The following GULP1 variants were observed in gnomAD, a reference collection of about 807,000 sequenced individuals.
GULP1 encodes the protein PTB domain-containing engulfment adapter protein 1.
In GULP1, 19 loss-of-function variants were observed where a neutral mutation model predicts 40.9. That is an observed-to-expected ratio of 0.46 (90% CI 0.32 to 0.68). GULP1 has a LOEUF of 0.68. Ranked by LOEUF, GULP1 falls within the 30% of genes least tolerant of loss-of-function variation. The probability of loss-of-function intolerance (pLI) is 0.03; values close to 1 mark genes in which losing one functional copy is unlikely to be tolerated. For missense variants in GULP1, 312 were observed against 362.2 expected (o/e 0.86, Z 1.12); for synonymous variants, 119 against 117.6 (o/e 1.01, Z -0.08).
In GULP1 at chr2:188,547,726, C is replaced by T. The variant is rs186966147; in HGVS notation, c.399+6408C>T. ...CACAGGATCAATACTTTGCATCCTTCAATCCAATAAAGTTGACGCTCAGTA... is the reference window on the plus strand; with the variant it reads ...CACAGGATCAATACTTTGCATCCTTTAATCCAATAAAGTTGACGCTCAGTA... On this transcript the variant is annotated intron_variant, in intron 7 of 11. Transcript: ENST00000409830. Among the ~76,000 whole-genome samples the T allele has an allele frequency of 4.6e-5, 7 of 152,222 alleles. No homozygotes were observed. The East Asian group carries it at 1.4e-3, about 29-fold the overall frequency.
rs1310124262 is a variant in GULP1, at chr2:188,593,999, C to G, written c.903C>G (p.Asp301Glu). ...EGTVFCLDPLDSRC is the reference protein window; with the variant it reads ...EGTVFCLDPLESRC The stretch of plus-strand genomic sequence containing the variant: ...CAGTATTTTGTCTCGACCCGTTAGA[C>G]AGTAGGTGCTGACATCAAGAACAAG... Residue 301 changes from aspartate to glutamate, a missense_variant, in exon 12 of 12, where the codon GAC (aspartate) becomes GAG (glutamate). Physicochemically the swap from Asp to Glu is conservative, Grantham distance 45 (BLOSUM62 2). Coordinates refer to ENST00000409830, the MANE Select transcript of GULP1 (RefSeq NM_016315.4). 4 of 1,584,190 alleles carry G rather than the reference C, an allele frequency of 2.5e-6. No individual in the cohort carries two copies. Among genetic ancestry groups the G allele is most frequent in the Non-Finnish European group, 3.5e-6 (4 of 1,153,830 alleles).
At position 188,584,295 on chromosome 2, in the gene GULP1, A is replaced by G; in HGVS notation, c.640A>G (p.Thr214Ala). 6.2e-7 allele frequency: 1 copy of G among 1,609,298 alleles called. No individual in the cohort carries two copies. The highest frequency in any genetic ancestry group is 8.5e-7 in the Non-Finnish European group (1 of 1,176,012). ...CAGTATGACACCTAAGTCGCCCTCC[A>G]CTGACATCTTTGATATGATTCCATT... ...AGSMTPKSPS[T>A]DIFDMIPFSP... is the part of the protein sequence containing the mutation. The change falls in exon 10 of 12, where the codon ACT (threonine) becomes GCT (alanine). Residue 214 changes from threonine (T) to alanine (A), a missense_variant. By Grantham distance (58) the Thr-to-Ala change is moderately conservative. Coordinates refer to ENST00000409830, the MANE Select transcript of GULP1 (RefSeq NM_016315.4).
intron 7 of GULP1, among the ~76,000 whole-genome samples, chr2:188,552,745 A>C (rs919242208): frequency 2.0e-5 from 3 of 151,660 alleles, no homozygotes; most frequent in Non-Finnish European, 4.4e-5. Flanking sequence ...ATGATCCATG[A>C]ATATAGGATA....
At chr2:188,451,235 T>C (rs1366671870) in intron 2 of GULP1, among the ~76,000 whole-genome samples, 1 of 152,212 alleles carries the variant, frequency 6.6e-6, no homozygotes, top group Non-Finnish European at 1.5e-5. Flanking sequence ...AATGTTGGCA[T>C]GATCAAAGAC....
At chr2:188,378,493 A>G (rs1448966247) in intron 1 of GULP1, among the ~76,000 whole-genome samples, 1 of 152,170 alleles carries the variant, frequency 6.6e-6, no homozygotes, top group Non-Finnish European at 1.5e-5. Context: ...TAATTTATAA[A>G]GAAAAGACGT....
At chr2:188,530,778 A>G (rs923821346) in intron 6 of GULP1, among the ~76,000 whole-genome samples, 1 of 152,234 alleles carries the variant, frequency 6.6e-6, no homozygotes, top group Non-Finnish European at 1.5e-5. Context: ...CAGGCTTAGT[A>G]AACAAACACA....
chr2:188,523,935 T>C (rs1685478412), intron 5 of GULP1, among the ~76,000 whole-genome samples: 1 of 152,212 alleles, frequency 6.6e-6, no homozygotes, highest in Admixed American at 6.5e-5. Context: ...AAAAAGTGGA[T>C]TAGCCAACTA....
At chr2:188,402,490 T>G (rs1286219982) in intron 2 of GULP1, among the ~76,000 whole-genome samples, 1 of 152,084 alleles carries the variant, frequency 6.6e-6, no homozygotes, top group African/African-American at 2.4e-5. Flanking sequence ...TAGAATTAAA[T>G]TTTTTGGTTA....
In GULP1 at chr2:188,532,752, C is replaced by CT. The variant is rs1687876293; in HGVS notation, c.261+3558dup. On this transcript the variant is annotated intron_variant, in intron 6 of 11. Coordinates refer to ENST00000409830, the MANE Select transcript of GULP1 (RefSeq NM_016315.4). ...CCAACATGATGAAACCCTGTCTCTA[C>CT]TAAAAAAAAAAAAAAAAAAGTAGCT... Among the ~76,000 whole-genome samples, 7 of 34,090 alleles carry CT rather than the reference C, an allele frequency of 2.1e-4. No individual in the cohort carries two copies. The South Asian group carries it at 0.02, about 99-fold the overall frequency. 22.4% of individuals were successfully genotyped at this position (34,090 alleles called of 152,430 possible).
At chr2:188,546,047 G>C (rs140653875) in intron 7 of GULP1, among the ~76,000 whole-genome samples, 45 of 152,002 alleles carry the variant, frequency 3.0e-4, no homozygotes, top group Non-Finnish European at 5.0e-4. Flanking sequence ...AATCCTAACT[G>C]TGTATTACCA....
chr2:188,348,144 ATATT>A (rs2043947802), intron 1 of GULP1, among the ~76,000 whole-genome samples: 1 of 152,228 alleles, frequency 6.6e-6, no homozygotes, highest in African/African-American at 2.4e-5. Context: ...GTTATTCAAA[ATATT>A]TATTATAATG....
chr2:188,572,841 TGCTGGGG>T (rs1232020329), intron 9 of GULP1, among the ~76,000 whole-genome samples: 1 of 152,164 alleles, frequency 6.6e-6, no homozygotes, highest in Non-Finnish European at 1.5e-5. Context: ...GACTAGTGGT[TGCTGGGG>T]GCTGGGGCAG....
At chr2:188,449,014 T>C (rs141431276) in intron 2 of GULP1, among the ~76,000 whole-genome samples, 1 of 152,268 alleles carries the variant, frequency 6.6e-6, no homozygotes, top group Non-Finnish European at 1.5e-5. Context: ...ATAAAACCTA[T>C]TTTCTTTATT....
chr2:188,561,937 C>G (rs1303401398), intron 7 of GULP1, among the ~76,000 whole-genome samples: 1 of 152,200 alleles, frequency 6.6e-6, no homozygotes, highest in Non-Finnish European at 1.5e-5. Context: ...ACATCCCATT[C>G]TCAGTCTCAG....
chr2:188,519,532 C>T (rs574822837), intron 4 of GULP1, among the ~76,000 whole-genome samples: 48 of 152,276 alleles, frequency 3.2e-4, no homozygotes, highest in African/African-American at 1.1e-3. Flanking sequence ...CTAGACCATC[C>T]ACTAATCGCA....
In GULP1 at chr2:188,338,847, C is replaced by G. The variant is rs529491978; in HGVS notation, c.-171-44916C>G. Among the ~76,000 whole-genome samples the G allele has an allele frequency of 2.2e-4, 33 of 152,168 alleles. 1 individual carries two copies. Among genetic ancestry groups the G allele is most frequent in the Non-Finnish European group, 1.5e-5 (1 of 68,030 alleles). On this transcript the variant is annotated intron_variant, in intron 1 of 11. Coordinates refer to ENST00000409830, the MANE Select transcript of GULP1 (RefSeq NM_016315.4). The stretch of plus-strand genomic sequence containing the variant: ...AAAGGTAGCTACTTCTCTAAAATGA[C>G]TTTCCATTTTCACCTCTTTGGCTAC...
intron 1 of GULP1, among the ~76,000 whole-genome samples, chr2:188,300,313 C>G (rs754640073): frequency 3.3e-5 from 5 of 152,140 alleles, no homozygotes; most frequent in Middle Eastern, 3.4e-3. Context: ...TAGTTATCTA[C>G]TTGGTAGTAA....
intron 2 of GULP1, among the ~76,000 whole-genome samples, chr2:188,455,545 G>C (rs1212316727): frequency 6.6e-6 from 1 of 152,112 alleles, no homozygotes; most frequent in African/African-American, 2.4e-5. Flanking sequence ...CTTGCCTTCT[G>C]CCATGATTTT....
At chr2:188,316,913 C>G (rs1240587671) in intron 1 of GULP1, among the ~76,000 whole-genome samples, 1 of 152,050 alleles carries the variant, frequency 6.6e-6, no homozygotes, top group Non-Finnish European at 1.5e-5. Flanking sequence ...ACAATAAATT[C>G]AAGATCTCAT....
Sources: allele counts gnomAD v4.1 joint callset (sites outside exome capture counted in the v4.1 genomes callset), GRCh38; gene constraint gnomAD v4.1.1; transcripts MANE v1.5; gene names NCBI Gene and HGNC (gene_info 2026-07-23, HGNC 2026-07-21).